ADGRB3: variants seen among roughly 807,000 people sequenced by gnomAD.
ADGRB3 encodes brain-specific angiogenesis inhibitor 3.
A neutral mutation model predicts 193.4 loss-of-function variants in ADGRB3; 37 were observed. The observed-to-expected ratio is 0.19, with a 90% CI of 0.15 to 0.25. ADGRB3 has a LOEUF of 0.25. ADGRB3 is among the 10% of genes least tolerant of loss of function. ADGRB3 has a pLI of 1.00. For missense variants in ADGRB3, 1,637 were observed against 1,852.9 expected, an observed-to-expected ratio of 0.88 and a Z score of 2.14; for synonymous variants, 690 against 644.2, an observed-to-expected ratio of 1.07 and a Z score of -1.08.
chr6:68,650,104 G>C (rs1768326075), intron 3 of ADGRB3, among the ~76,000 whole-genome samples: 1 of 152,180 alleles, frequency 6.6e-6, no homozygotes, highest in Non-Finnish European at 1.5e-5. Flanking sequence ...TGATTTCAGA[G>C]TATATATAAA....
chr6:69,144,198 A>G (rs1253693334), intron 17 of ADGRB3, among the ~76,000 whole-genome samples: 3 of 152,090 alleles, frequency 2.0e-5, no homozygotes, highest in Admixed American at 6.6e-5. Context: ...TCTTTTTCAG[A>G]CCATTTGCTG....
At chr6:68,978,203 T>C (rs978173961) in intron 10 of ADGRB3, among the ~76,000 whole-genome samples, 3 of 151,506 alleles carry the variant, frequency 2.0e-5, no homozygotes, top group African/African-American at 7.2e-5. Flanking sequence ...GAGTTTAAAG[T>C]ATTGTTTCAA....
At chr6:69,040,108 G>C (rs1314741536) in intron 13 of ADGRB3, among the ~76,000 whole-genome samples, 1 of 152,100 alleles carries the variant, frequency 6.6e-6, no homozygotes, top group Non-Finnish European at 1.5e-5. Context: ...GCCAGTCTGA[G>C]GTTAGACAGA....
chr6:68,913,735 A>G (rs958517524), intron 3 of ADGRB3, among the ~76,000 whole-genome samples: 2 of 152,214 alleles, frequency 1.3e-5, no homozygotes, highest in African/African-American at 4.8e-5. Flanking sequence ...TCAGACGATC[A>G]AACTACTCCG....
At chr6:68,876,364 C>A (rs1355471768) in intron 3 of ADGRB3, among the ~76,000 whole-genome samples, 4 of 152,086 alleles carry the variant, frequency 2.6e-5, no homozygotes, top group Admixed American at 2.6e-4. Context: ...TTAATAGACT[C>A]ATTTAAACTA....
At chr6:68,925,461 T>G (rs1278691054) in intron 3 of ADGRB3, among the ~76,000 whole-genome samples, 2 of 151,976 alleles carry the variant, frequency 1.3e-5, no homozygotes, top group Non-Finnish European at 2.9e-5. Context: ...TCAACAGAAT[T>G]TACTTGCCTA....
chr6:68,769,774 C>T (rs552506414), intron 3 of ADGRB3, among the ~76,000 whole-genome samples: 67 of 152,120 alleles, frequency 4.4e-4, no homozygotes, highest in African/African-American at 1.2e-3. Context: ...TCTTCCTAAA[C>T]GAAGTTCTGA....
intron 15 of ADGRB3, among the ~76,000 whole-genome samples, chr6:69,061,112 A>G (rs1003133702): frequency 1.3e-5 from 2 of 151,948 alleles, no homozygotes; most frequent in Non-Finnish European, 2.9e-5. Context: ...TCTGTCTGCA[A>G]CAATCTTCCT....
At chr6:69,343,826 CTAA>C (rs1769030396) in intron 26 of ADGRB3, among the ~76,000 whole-genome samples, 1 of 152,098 alleles carries the variant, frequency 6.6e-6, no homozygotes, top group South Asian at 2.1e-4. Flanking sequence ...TGTTTAACAG[CTAA>C]TAAGACAGAA....
intron 17 of ADGRB3, among the ~76,000 whole-genome samples, chr6:69,101,433 C>T (rs1462956568): frequency 2.8e-5 from 4 of 145,396 alleles, no homozygotes; most frequent in South Asian, 2.2e-4. Context: ...CAGTAAGTAT[C>T]GTGTGTGTGT....
At chr6:69,243,711 A>G (rs1478184210) in intron 20 of ADGRB3, among the ~76,000 whole-genome samples, 1 of 152,026 alleles carries the variant, frequency 6.6e-6, no homozygotes, top group African/African-American at 2.4e-5. Flanking sequence ...GATAATGAGT[A>G]AAGTGTTGAT....
At chr6:69,264,787 A>G (rs945770064) in intron 20 of ADGRB3, among the ~76,000 whole-genome samples, 3 of 151,230 alleles carry the variant, frequency 2.0e-5, no homozygotes, top group Admixed American at 1.3e-4. Flanking sequence ...AGTTACTGAG[A>G]AAAAAAAAGT....
At chr6:69,012,302 A>G (rs977852636) in intron 11 of ADGRB3, among the ~76,000 whole-genome samples, 25 of 151,974 alleles carry the variant, frequency 1.6e-4, no homozygotes, top group South Asian at 4.1e-4. Context: ...AGCAGCATGC[A>G]TTTTGTATGA....
chr6:69,030,954 T>TTTTCTTTTC (rs1554248204), intron 13 of ADGRB3, among the ~76,000 whole-genome samples: 1 of 24,890 alleles, frequency 4.0e-5, no homozygotes, highest in Non-Finnish European at 1.1e-4. Flanking sequence ...TTTTCTTTTC[T>TTTTCTTTTC]TTTTTTCTTT....
chr6:69,365,691 A>G (rs1769552789), intron 29 of ADGRB3, among the ~76,000 whole-genome samples: 2 of 152,040 alleles, frequency 1.3e-5, no homozygotes, highest in Non-Finnish European at 2.9e-5. Context: ...TATGTCTGAA[A>G]CCAAATAAGT....
At chr6:68,770,197 A>G (rs1382036019) in intron 3 of ADGRB3, among the ~76,000 whole-genome samples, 1 of 152,058 alleles carries the variant, frequency 6.6e-6, no homozygotes, top group Non-Finnish European at 1.5e-5. Context: ...TGAGATAGGC[A>G]CTCTGGAAGG....
At chr6:69,258,920 CA>C (rs1236750581) in intron 20 of ADGRB3, among the ~76,000 whole-genome samples, 2 of 152,078 alleles carry the variant, frequency 1.3e-5, no homozygotes, top group South Asian at 2.1e-4. Context: ...CTGGAGACTG[CA>C]ACAAAAAACA....
intron 3 of ADGRB3, among the ~76,000 whole-genome samples, chr6:68,903,081 G>A (rs1036141785): frequency 6.6e-6 from 1 of 152,110 alleles, no homozygotes; most frequent in Non-Finnish European, 1.5e-5. Flanking sequence ...TAAACTAGCT[G>A]GTCCATGATT....
At chr6:69,028,213 C>G (rs1770495290) in intron 13 of ADGRB3, among the ~76,000 whole-genome samples, 1 of 152,162 alleles carries the variant, frequency 6.6e-6, no homozygotes, top group Non-Finnish European at 1.5e-5. Context: ...ACTTTCCCTA[C>G]CACTTTTGTG....
Sources: allele counts gnomAD v4.1 joint callset (sites outside exome capture counted in the v4.1 genomes callset), GRCh38; gene constraint gnomAD v4.1.1; transcripts MANE v1.5; gene names NCBI Gene and HGNC (gene_info 2026-07-23, HGNC 2026-07-21).